Variants in SEMA4D observed in about 807,000 individuals in gnomAD.
The protein encoded by SEMA4D is semaphorin-4D.
SEMA4D carries 22 observed loss-of-function variants against 74.8 expected under a neutral mutation model. That is an observed-to-expected ratio of 0.29 (90% CI 0.21 to 0.42). The LOEUF (loss-of-function observed/expected upper bound fraction) is 0.42, where lower values mean the gene tolerates loss of function less well. Among genes scored for constraint, SEMA4D ranks in the 10% least tolerant of loss-of-function variants. SEMA4D has a pLI of 1.00. For synonymous variants in SEMA4D, 445 were observed against 463.7 expected, an observed-to-expected ratio of 0.96 and a Z score of 0.52; for missense variants, 937 against 1,118.4, an observed-to-expected ratio of 0.84 and a Z score of 2.31.
At chr9:89,476,459 G>A (rs527891575) in intron 1 of SEMA4D, among the ~76,000 whole-genome samples, 3 of 152,170 alleles carry the variant, frequency 2.0e-5, no homozygotes, top group African/African-American at 7.2e-5. Context: ...CAGAGGCTTT[G>A]AGTAAAGCAA....
chr9:89,394,493 CG>C (rs1235071913), intron 6 of SEMA4D, among the ~76,000 whole-genome samples: 2 of 152,238 alleles, frequency 1.3e-5, no homozygotes, highest in Non-Finnish European at 2.9e-5. Context: ...ACAGCACAGA[CG>C]AGAGAGGGGC....
At chr9:89,449,643 A>C (rs1853863392) in intron 2 of SEMA4D, 1 of 1,408,274 alleles carries the variant, frequency 7.1e-7, no homozygotes, top group Non-Finnish European at 1.0e-6. Context: ...TGACATTGCC[A>C]ATGGGGTACT....
intron 1 of SEMA4D, among the ~76,000 whole-genome samples, chr9:89,473,569 A>C (rs1302437746): frequency 3.9e-5 from 6 of 152,088 alleles, no homozygotes; most frequent in Non-Finnish European, 7.4e-5. Flanking sequence ...CTGTCTCAAA[A>C]ACAACGGCCG....
intron 6 of SEMA4D, among the ~76,000 whole-genome samples, chr9:89,396,346 C>T (rs760637541): frequency 8.5e-5 from 13 of 152,244 alleles, no homozygotes; most frequent in Non-Finnish European, 1.5e-4. Context: ...CTTTCCAGCA[C>T]GTCCCCTCAC....
intron 1 of SEMA4D, among the ~76,000 whole-genome samples, chr9:89,466,271 C>T (rs1467983722): frequency 6.6e-6 from 1 of 152,178 alleles, no homozygotes. Flanking sequence ...GTGATCACTC[C>T]GCTCTGAGTT....
chr9:89,385,865 T>TTGGGGGGGGC, intron 13 of SEMA4D: 11 of 213,330 alleles, frequency 5.2e-5, no homozygotes, highest in Non-Finnish European at 7.2e-5. Context: ...CCAGCGTGGA[T>TTGGGGGGGGC]GCCCGCCCAC....
chr9:89,376,734 G>C (rs1411866615), downstream of SEMA4D: 8 of 1,448,022 alleles, frequency 5.5e-6, no homozygotes, highest in Middle Eastern at 4.3e-4. Context: ...GGAAGGTAAA[G>C]GAACATGTGG....
rs1352988973 is a variant in SEMA4D at position 89,405,706 on chromosome 9, G to A, written c.-243-7C>T. 1.3e-5 allele frequency: 18 copies of A among 1,405,084 alleles called. No homozygotes were observed. The highest frequency in any genetic ancestry group is 1.7e-5 in the Non-Finnish European group (18 of 1,083,188). The allele number at this position is 1,405,084 out of a possible 1,614,324, so 87.0% of individuals were successfully genotyped here. A position where few individuals can be genotyped will look rare whatever the true frequency, so the allele number is the denominator to read the frequency against. The stretch of plus-strand genomic sequence containing the variant: ...CAGGGCCTCAGAAGAAATGCTGGAA[G>A]GACATGAGAAAGAAAAGGCAGGACC... On this transcript the variant is annotated splice_region_variant and splice_polypyrimidine_tract_variant and intron_variant, in intron 2 of 15. Transcript: ENST00000422704.
intron 2 of SEMA4D, among the ~76,000 whole-genome samples, chr9:89,407,592 C>T (rs552459139): frequency 6.6e-5 from 10 of 152,348 alleles, no homozygotes; most frequent in South Asian, 2.1e-4. Flanking sequence ...CAAAGTCATG[C>T]TCTTATCATA....
chr9:89,481,706 G>A (rs1824710379), intron 1 of SEMA4D, among the ~76,000 whole-genome samples: 2 of 152,346 alleles, frequency 1.3e-5, no homozygotes, highest in South Asian at 2.1e-4. Context: ...TGAGTGACAC[G>A]CACGAGGATG....
At chr9:89,430,807 T>C (rs773224700) in intron 2 of SEMA4D, among the ~76,000 whole-genome samples, 2 of 152,056 alleles carry the variant, frequency 1.3e-5, no homozygotes, top group Non-Finnish European at 2.9e-5. Context: ...CAAAACCCCA[T>C]CTCTACTAAA....
intron 18 of SEMA4D, chr9:89,362,553 T>G: frequency 6.4e-7 from 1 of 1,552,724 alleles, no homozygotes; most frequent in Admixed American, 1.7e-5. Flanking sequence ...CTGTTGTGGT[T>G]CCCCTCCTTG....
chr9:89,396,989 T>C (rs2133388601), intron 5 of SEMA4D, among the ~76,000 whole-genome samples, 154 bp from the exon 6 acceptor site: 1 of 152,356 alleles, frequency 6.6e-6, no homozygotes, highest in Admixed American at 6.5e-5. Flanking sequence ...GTGTGCATTC[T>C]CAGCCTTGTC....
chr9:89,447,578 G>C (rs1451043486), intron 2 of SEMA4D, among the ~76,000 whole-genome samples: 1 of 152,104 alleles, frequency 6.6e-6, no homozygotes, highest in Non-Finnish European at 1.5e-5. Context: ...GCGCTGAAGG[G>C]AGCCACTCCT....
chr9:89,434,495 C>T (rs970510257), intron 2 of SEMA4D, among the ~76,000 whole-genome samples: 2 of 152,146 alleles, frequency 1.3e-5, no homozygotes, highest in Non-Finnish European at 2.9e-5. Context: ...CAGTTTAATT[C>T]GCAGGCCCTA....
intron 16 of SEMA4D, among the ~76,000 whole-genome samples, chr9:89,365,885 T>G (rs1405355018): frequency 1.3e-5 from 2 of 152,186 alleles, no homozygotes; most frequent in African/African-American, 4.8e-5. Context: ...AGTAATGCAT[T>G]TTCCCTGCTT....
At position 89,377,303 on chromosome 9, in the gene SEMA4D, AAAC is replaced by A. The variant is rs1261584744; in HGVS notation, c.*1398_*1400del. The A allele has an allele frequency of 6.6e-6, 3 of 456,816 alleles. No individual in the cohort carries two copies. Among genetic ancestry groups the A allele is most frequent in the African/African-American group, 6.0e-5 (3 of 50,232 alleles). The allele number at this position is 456,816 out of a possible 1,614,324, so 28.3% of individuals were successfully genotyped here. A position where few individuals can be genotyped will look rare whatever the true frequency, so the allele number is the denominator to read the frequency against. ...TATACAATTCAAAGTAGAAAAATAA[AAAC>A]AAGGTAAATCTTATAAAACACAAAT... On this transcript the variant is annotated 3_prime_UTR_variant, in exon 16 of 16. Coordinates refer to ENST00000422704, the MANE Select transcript of SEMA4D (RefSeq NM_001371194.2).
At chr9:89,386,514 T>C (rs1165455616) in intron 12 of SEMA4D, 32 bp from the exon 13 acceptor site, 12 of 1,484,772 alleles carry the variant, frequency 8.1e-6, no homozygotes, top group Admixed American at 1.7e-5. Flanking sequence ...TCAGTGACAC[T>C]AACCCAGACA....
At chr9:89,409,486 G>A (rs1437038165) in intron 2 of SEMA4D, among the ~76,000 whole-genome samples, 1 of 152,150 alleles carries the variant, frequency 6.6e-6, no homozygotes, top group East Asian at 1.9e-4. Context: ...AAAATGAGGG[G>A]GCTGTGCATG....
Sources: allele counts gnomAD v4.1 joint callset (sites outside exome capture counted in the v4.1 genomes callset), GRCh38; gene constraint gnomAD v4.1.1; transcripts MANE v1.5; gene names NCBI Gene and HGNC (gene_info 2026-07-23, HGNC 2026-07-21).